UNC13C: variants seen among roughly 807,000 people sequenced by gnomAD.
The protein encoded by UNC13C is protein unc-13 homolog C.
A neutral mutation model predicts 245.4 loss-of-function variants in UNC13C; 174 were observed. That is an observed-to-expected ratio of 0.71 (90% CI 0.63 to 0.80). UNC13C has a LOEUF of 0.80. Among genes scored for constraint, UNC13C ranks in the 30% least tolerant of loss-of-function variants. The pLI is 0.00. For synonymous variants in UNC13C, 992 were observed against 895.1 expected, an observed-to-expected ratio of 1.11 and a Z score of -1.93; for missense variants, 2,829 against 2,602.9, an observed-to-expected ratio of 1.09 and a Z score of -1.89.
intron 2 of UNC13C, among the ~76,000 whole-genome samples, chr15:54,080,655 CG>C (rs1319704924): frequency 6.6e-6 from 1 of 151,946 alleles, no homozygotes; most frequent in African/African-American, 2.4e-5. Context: ...TTTGTGGTGT[CG>C]GGTGTGATGA....
chr15:54,555,862 CA>C (rs1378607251), intron 29 of UNC13C, among the ~76,000 whole-genome samples: 1 of 152,018 alleles, frequency 6.6e-6, no homozygotes, highest in Non-Finnish European at 1.5e-5. Flanking sequence ...CCCAGATAAA[CA>C]GATGCTTTGA....
chr15:54,300,440 C>T (rs2037550037), intron 13 of UNC13C, 67 bp downstream of exon 13: 4 of 1,377,308 alleles, frequency 2.9e-6, no homozygotes, highest in Non-Finnish European at 3.9e-6. Flanking sequence ...AAGGAGCGTT[C>T]ATCTCACTTC....
the UNC13C span, among the ~76,000 whole-genome samples, chr15:53,902,827 A>C: frequency 6.6e-6 from 1 of 152,186 alleles, no homozygotes; most frequent in Admixed American, 6.5e-5. Context: ...AATAGCAAAA[A>C]GGCCAGTGAA....
intron 2 of UNC13C, among the ~76,000 whole-genome samples, chr15:54,119,515 C>T (rs2030517260): frequency 6.6e-6 from 1 of 152,036 alleles, no homozygotes; most frequent in African/African-American, 2.4e-5. Flanking sequence ...TCTTTTTTGG[C>T]ATCCTGATTT....
chr15:54,220,600 A>T (rs1480683542), intron 4 of UNC13C, among the ~76,000 whole-genome samples: 1 of 147,274 alleles, frequency 6.8e-6, no homozygotes, highest in Non-Finnish European at 1.5e-5. Flanking sequence ...GTATAATAAT[A>T]ATAAAAATAA....
chr15:53,909,406 G>A, the UNC13C span, among the ~76,000 whole-genome samples: 1 of 146,764 alleles, frequency 6.8e-6, no homozygotes, highest in South Asian at 2.3e-4. Flanking sequence ...CCTGCTGATA[G>A]AATCCTACTT....
rs571979555 is a variant in UNC13C, at chr15:54,241,738, G to T, written c.3228+4048G>T. Reference sequence around the variant, plus strand: ...CCCTTTTCTCTTTATACAGTGGCCGGCATGGCAGGTGGCCATCAGCGCAGT... The same window carrying T: ...CCCTTTTCTCTTTATACAGTGGCCGTCATGGCAGGTGGCCATCAGCGCAGT... On this transcript the variant is annotated intron_variant, in intron 7 of 32. Transcript: ENST00000260323. Among the ~76,000 whole-genome samples, 5 of 152,170 alleles carry T rather than the reference G, an allele frequency of 3.3e-5. No homozygotes were observed. In the South Asian group the frequency reaches 6.2e-4, roughly 19 times the overall value.
intron 4 of UNC13C, among the ~76,000 whole-genome samples, chr15:54,183,774 A>C (rs963447670): frequency 1.8e-4 from 27 of 148,266 alleles, no homozygotes; most frequent in African/African-American, 6.2e-4. Context: ...AAAAAAAAAA[A>C]CATGGGACCA....
chr15:53,854,639 G>C, the UNC13C span, among the ~76,000 whole-genome samples: 9 of 152,088 alleles, frequency 5.9e-5, no homozygotes, highest in Non-Finnish European at 1.3e-4. Flanking sequence ...TCTCTATTCT[G>C]TTCCATTGGT....
chr15:54,152,897 T>G (rs1360074190), intron 4 of UNC13C, among the ~76,000 whole-genome samples: 1 of 152,128 alleles, frequency 6.6e-6, no homozygotes, highest in African/African-American at 2.4e-5. Context: ...AATTGTATTT[T>G]CCAATGAAGC....
At chr15:53,962,546 T>C in the UNC13C span, among the ~76,000 whole-genome samples, 1 of 152,116 alleles carries the variant, frequency 6.6e-6, no homozygotes, top group Non-Finnish European at 1.5e-5. Context: ...CATAATCATA[T>C]CAATAGAAAA....
chr15:53,962,669 C>T, the UNC13C span, among the ~76,000 whole-genome samples: 1 of 152,286 alleles, frequency 6.6e-6, no homozygotes, highest in South Asian at 2.1e-4. Flanking sequence ...CATTGCCATG[C>T]TCATCAGATA....
intron 2 of UNC13C, among the ~76,000 whole-genome samples, chr15:54,052,126 G>GT (rs199904371): frequency 0.33 from 34,909 of 105,104 alleles, 7,045 homozygotes; most frequent in Middle Eastern, 0.49. Context: ...ATTCCATGGT[G>GT]TATATGTGCC....
At chr15:54,216,141 A>T (rs556008559) in intron 4 of UNC13C, among the ~76,000 whole-genome samples, 53 of 152,076 alleles carry the variant, frequency 3.5e-4, no homozygotes, top group Non-Finnish European at 6.0e-4. Flanking sequence ...TCTCTTGGAT[A>T]CTAGAGGCAA....
the UNC13C span, among the ~76,000 whole-genome samples, chr15:53,915,243 T>C: frequency 6.6e-6 from 1 of 152,216 alleles, no homozygotes; most frequent in Non-Finnish European, 1.5e-5. Flanking sequence ...ATGTCCTATG[T>C]GTCCTCAGAA....
chr15:54,214,889 A>G lies in UNC13C; in HGVS notation c.3072-20141A>G, dbSNP rs150985947. 6.0e-3 allele frequency among the ~76,000 whole-genome samples: 917 copies of G among 152,070 alleles called. 56 individuals carry two copies. In the East Asian group the frequency reaches 0.11, roughly 18 times the overall value. ...CACAGAAGTGTGACTTAGATGTTTA[A>G]AAGCTAACACCCTAAATTGAGACCC... On this transcript the variant is annotated intron_variant, in intron 4 of 32. Transcript: ENST00000260323.
At chr15:54,200,465 A>G (rs2034487302) in intron 4 of UNC13C, among the ~76,000 whole-genome samples, 1 of 152,068 alleles carries the variant, frequency 6.6e-6, no homozygotes, top group South Asian at 2.1e-4. Flanking sequence ...AAAACCATTG[A>G]AATTGTGTCA....
intron 13 of UNC13C, among the ~76,000 whole-genome samples, chr15:54,316,476 C>G (rs914502320): frequency 2.0e-5 from 3 of 152,042 alleles, no homozygotes; most frequent in South Asian, 2.1e-4. Context: ...TCCCCTGACC[C>G]TCCTCACCAG....
At chr15:54,471,597 A>T (rs933250949) in intron 19 of UNC13C, among the ~76,000 whole-genome samples, 1 of 151,558 alleles carries the variant, frequency 6.6e-6, no homozygotes, top group Non-Finnish European at 1.5e-5. Flanking sequence ...AGGTGAAAAG[A>T]CCTAACTATA....
Sources: gnomAD v4.1 joint callset for allele counts (sites outside exome capture counted in the v4.1 genomes callset) on GRCh38, gnomAD v4.1.1 for gene constraint, MANE v1.5 for transcripts, NCBI Gene and HGNC (gene_info 2026-07-23, HGNC 2026-07-21) for gene names.